CIT: variants seen among roughly 807,000 people sequenced by gnomAD.
The protein encoded by CIT is citron rho-interacting serine/threonine kinase.
CIT carries 79 observed loss-of-function variants against 272.7 expected under a neutral mutation model. That is an observed-to-expected ratio of 0.29 (90% CI 0.24 to 0.35). The LOEUF (loss-of-function observed/expected upper bound fraction) is 0.35. Among genes scored for constraint, CIT ranks in the 10% least tolerant of loss-of-function variants. The probability of loss-of-function intolerance (pLI) is 1.00; values close to 1 mark genes in which losing one functional copy is unlikely to be tolerated. For synonymous variants in CIT, 948 were observed against 995.6 expected (o/e 0.95, Z 0.90); for missense variants, 1,909 against 2,618.3 (o/e 0.73, Z 5.91).
intron 5 of CIT, 112 bp downstream of exon 5, chr12:119,850,062 A>C: frequency 1.3e-6 from 1 of 775,206 alleles, no homozygotes; most frequent in South Asian, 1.5e-5. Context: ...TAAGGTAAGA[A>C]AGTCTTTGCA....
intron 40 of CIT, among the ~76,000 whole-genome samples, chr12:119,706,503 C>T (rs1213988426): frequency 6.6e-6 from 1 of 152,014 alleles, no homozygotes; most frequent in East Asian, 1.9e-4. Flanking sequence ...GTGTTCTCAT[C>T]ATTCAGCTCC....
intron 4 of CIT, 118 bp downstream of exon 4, chr12:119,857,401 TTAAA>T (rs1373132829): frequency 1.0e-6 from 1 of 975,830 alleles, no homozygotes; most frequent in East Asian, 2.5e-5. Flanking sequence ...CCAACTATAA[TTAAA>T]TATAGAGTCA....
intron 32 of CIT, among the ~76,000 whole-genome samples, chr12:119,717,838 C>CCTTTTT (rs1957598855): frequency 2.5e-5 from 2 of 81,332 alleles, no homozygotes; most frequent in Non-Finnish European, 4.5e-5. Context: ...TGACTTCTTT[C>CCTTTTT]TTTTTTTTTT....
At chr12:119,779,640 C>T (rs913541567) in intron 13 of CIT, among the ~76,000 whole-genome samples, 11 of 152,172 alleles carry the variant, frequency 7.2e-5, no homozygotes, top group Admixed American at 4.6e-4. Flanking sequence ...TTTATGTCGG[C>T]GAGAAGGGAA....
In CIT at chr12:119,776,396, C is replaced by T. The variant is rs997510581; in HGVS notation, c.1849G>A (p.Gly617Arg). ...QHKLLKAKDQGKPEVGEYAKL... is the reference protein window; with the variant it reads ...QHKLLKAKDQRKPEVGEYAKL... Reference sequence around the variant, plus strand: ...GCATATTCTCCCACTTCAGGCTTCCCTTGATCCTTAGCCTGTAATTAAAAA... The same window carrying T: ...GCATATTCTCCCACTTCAGGCTTCCTTTGATCCTTAGCCTGTAATTAAAAA... The change falls in exon 15 of 48, where the codon GGG (glycine) becomes AGG (arginine). Residue 617 changes from glycine (G) to arginine (R), a missense_variant. By Grantham distance (125) the Gly-to-Arg change is moderately radical. Coordinates refer to ENST00000392521, the MANE Select transcript of CIT (RefSeq NM_001206999.2). 2 of 1,613,442 alleles carry T rather than the reference C, an allele frequency of 1.2e-6. No homozygotes were observed. The highest frequency in any genetic ancestry group is 2.7e-5 in the African/African-American group (2 of 74,904).
intron 13 of CIT, among the ~76,000 whole-genome samples, chr12:119,778,518 G>A (rs1593708384): frequency 6.6e-6 from 1 of 152,230 alleles, no homozygotes; most frequent in South Asian, 2.1e-4. Context: ...TAATTGGTGA[G>A]GAATATTTGA....
In CIT at chr12:119,694,811, AAAAT is replaced by A. The variant is rs1001730196; in HGVS notation, c.5882+2844_5882+2847del. ...ACAGAGTGAGACCCTACCTCGAAAA[AAAAT>A]AAATAAATAAAAATAAAAAATAAAT... On this transcript the variant is annotated intron_variant, in intron 46 of 47. Coordinates refer to ENST00000392521, the MANE Select transcript of CIT (RefSeq NM_001206999.2). This position sits in a 1 kb window ranked among gnomAD's most constrained non-coding sequence, Gnocchi z 4.5. 6.6e-5 allele frequency among the ~76,000 whole-genome samples: 10 copies of A among 151,556 alleles called. No individual in the cohort carries two copies. Among genetic ancestry groups the A allele is most frequent in the African/African-American group, 1.5e-4 (6 of 41,278 alleles).
chr12:119,691,682 C>T (rs1955959561), intron 46 of CIT, among the ~76,000 whole-genome samples: 1 of 152,188 alleles, frequency 6.6e-6, no homozygotes, highest in Non-Finnish European at 1.5e-5. Flanking sequence ...CCACCCACTC[C>T]TGGCCTGGAT....
intron 19 of CIT, among the ~76,000 whole-genome samples, chr12:119,764,484 C>T (rs1381723738): frequency 6.6e-6 from 1 of 151,764 alleles, no homozygotes; most frequent in African/African-American, 2.4e-5. Flanking sequence ...GGCGTGGTGG[C>T]ATGCACCTAT....
intron 5 of CIT, among the ~76,000 whole-genome samples, chr12:119,845,589 G>A (rs1314635729): frequency 1.3e-5 from 2 of 150,084 alleles, no homozygotes; most frequent in African/African-American, 2.5e-5. Flanking sequence ...GGAGGTGGAG[G>A]CTGCAGTGAG....
intron 3 of CIT, among the ~76,000 whole-genome samples, chr12:119,862,860 A>C (rs1950397267): frequency 7.1e-6 from 1 of 141,480 alleles, no homozygotes; most frequent in Non-Finnish European, 1.5e-5. Flanking sequence ...AAAAAAAAAA[A>C]CGAGGTAGGA....
chr12:119,829,518 T>C (rs1968461491), intron 7 of CIT, among the ~76,000 whole-genome samples: 1 of 152,208 alleles, frequency 6.6e-6, no homozygotes, highest in Non-Finnish European at 1.5e-5. Flanking sequence ...GTTCCTCTTG[T>C]GGAAAATAAA....
intron 28 of CIT, among the ~76,000 whole-genome samples, chr12:119,722,322 C>T (rs904945895): frequency 2.6e-5 from 4 of 152,134 alleles, no homozygotes; most frequent in Non-Finnish European, 4.4e-5. Context: ...CCCTGGTAGC[C>T]TGGGTCCTCT....
In CIT at chr12:119,803,381, G is replaced by C. The variant is rs762303040; in HGVS notation, c.1120C>G (p.Pro374Ala). 29 of 1,558,912 alleles carry C rather than the reference G, an allele frequency of 1.9e-5. No homozygotes were observed. In the East Asian group the frequency reaches 5.2e-4, roughly 28 times the overall value. Residue 374 changes from proline (P) to alanine (A), a missense_variant, in exon 10 of 48, where the codon CCC (proline) becomes GCC (alanine). Physicochemically the swap from Pro to Ala is conservative, Grantham distance 27. Transcript: ENST00000392521. Reference sequence around the variant, plus strand: ...TCAGACTTGAGGGTGGGAACGAAGGGGGGAGGAGCTGGTTAAAGAAAAACA... The same window carrying C: ...TCAGACTTGAGGGTGGGAACGAAGGCGGGAGGAGCTGGTTAAAGAAAAACA... The part of the protein sequence containing the change: ...DWNNIRNSPP[P>A]FVPTLKSDDD...
intron 41 of CIT, among the ~76,000 whole-genome samples, chr12:119,703,414 C>T (rs1276315880): frequency 6.8e-6 from 1 of 146,496 alleles, no homozygotes; most frequent in Non-Finnish European, 1.5e-5. Context: ...ATTCACCCTT[C>T]ATTTCACTTT....
chr12:119,727,098 A>G (rs779105026), intron 28 of CIT, among the ~76,000 whole-genome samples: 11 of 152,150 alleles, frequency 7.2e-5, no homozygotes, highest in Non-Finnish European at 1.3e-4. Context: ...GAACAATTTA[A>G]CTCAATATTC....
intron 5 of CIT, among the ~76,000 whole-genome samples, chr12:119,849,523 A>C (rs1046773700): frequency 6.6e-6 from 1 of 152,204 alleles, no homozygotes; most frequent in African/African-American, 2.4e-5. Context: ...ATGCACTATT[A>C]TCATTTTTTT....
At chr12:119,852,866 G>A (rs552710167) in intron 4 of CIT, among the ~76,000 whole-genome samples, 10 of 152,010 alleles carry the variant, frequency 6.6e-5, no homozygotes, top group Middle Eastern at 3.4e-3. Flanking sequence ...CTGTGTGTGT[G>A]TATATATATT....
chr12:119,728,356 T>G lies in CIT; in HGVS notation c.3591+146A>C, dbSNP rs557062408. 47 of 649,684 alleles carry G rather than the reference T, an allele frequency of 7.2e-5. 1 individual carries two copies. The South Asian group carries it at 8.4e-4, about 12-fold the overall frequency. 40.2% of individuals were successfully genotyped at this position (649,684 alleles called of 1,614,324 possible). On this transcript the variant is annotated intron_variant, in intron 28 of 47. Transcript: ENST00000392521. This position sits in a 1 kb window ranked among gnomAD's most constrained non-coding sequence, Gnocchi z 4.3. ...AGGGTGTTGATAGCTGGGGACACTG[T>G]GGGAGGAGGAGACAGGGAGTATGTG...
Sources: gnomAD v4.1 joint callset for allele counts (sites outside exome capture counted in the v4.1 genomes callset) on GRCh38, gnomAD v4.1.1 for gene constraint, Gnocchi (gnomAD v3.1) non-coding constraint, MANE v1.5 for transcripts, NCBI Gene and HGNC (gene_info 2026-07-23, HGNC 2026-07-21) for gene names.